MYO9B: variants seen among roughly 807,000 people sequenced by gnomAD.
The protein encoded by MYO9B is myosin IXB.
MYO9B carries 71 observed loss-of-function variants against 229.5 expected under a neutral mutation model. The ratio of observed to expected loss-of-function variants is 0.31; its 90% CI spans 0.26 to 0.38. MYO9B has a LOEUF of 0.38. MYO9B is among the 10% of genes least tolerant of loss of function. MYO9B has a pLI of 1.00. For synonymous variants in MYO9B, 1,185 were observed against 1,235.8 expected (o/e 0.96, Z 0.86); for missense variants, 2,255 against 2,920.5 (o/e 0.77, Z 5.25).
At chr19:17,118,779 G>A (rs1057437219) in intron 2 of MYO9B, among the ~76,000 whole-genome samples, 1 of 152,106 alleles carries the variant, frequency 6.6e-6, no homozygotes, top group Admixed American at 6.5e-5. Context: ...GAGCCACCAT[G>A]CCGGGCCTGT....
chr19:17,152,452 AC>A (rs34703734), intron 3 of MYO9B, 191 bp from the exon 4 acceptor site: 206,651 of 492,990 alleles, frequency 0.42, 44,590 homozygotes, highest in Non-Finnish European at 0.45. Flanking sequence ...CCAACCAACC[AC>A]TGTGGGGGCC....
chr19:17,167,877 A>G (rs1568282238), intron 10 of MYO9B, 66 bp from the exon 11 acceptor site: 3 of 1,535,498 alleles, frequency 2.0e-6, no homozygotes, highest in Non-Finnish European at 2.6e-6. Flanking sequence ...TGTATGCAAT[A>G]TATGTTATGT....
At chr19:17,106,595 C>G (rs1370375264) in intron 2 of MYO9B, among the ~76,000 whole-genome samples, 2 of 152,238 alleles carry the variant, frequency 1.3e-5, no homozygotes, top group African/African-American at 4.8e-5. Flanking sequence ...GCCAAAACAT[C>G]AGTGCCTGGC....
intron 26 of MYO9B, 142 bp from the exon 27 acceptor site, chr19:17,201,783 AG>A (rs1430586227): frequency 6.2e-6 from 4 of 640,928 alleles, no homozygotes; most frequent in Non-Finnish European, 1.1e-5. Flanking sequence ...ATGAGAGACC[AG>A]GCTTGGCCAG....
chr19:17,180,854 A>C, intron 14 of MYO9B, 73 bp from the exon 15 acceptor site: 43 of 958,288 alleles, frequency 4.5e-5, no homozygotes, highest in Non-Finnish European at 6.1e-5. Flanking sequence ...GGCGCTGGGA[A>C]CCCCGAGGTG....
intron 24 of MYO9B, among the ~76,000 whole-genome samples, chr19:17,199,392 A>G (rs1427883113): frequency 6.6e-6 from 1 of 152,136 alleles, no homozygotes; most frequent in African/African-American, 2.4e-5. Flanking sequence ...CAAAAAGAAA[A>G]GAAAATGGAG....
chr19:17,185,744 G>A (rs775498868), intron 17 of MYO9B, among the ~76,000 whole-genome samples, 177 bp from the exon 18 acceptor site: 15 of 152,032 alleles, frequency 9.9e-5, no homozygotes, highest in East Asian at 1.9e-4. Context: ...CAGGGATAGC[G>A]CAGGCTTGGG....
intron 14 of MYO9B, among the ~76,000 whole-genome samples, chr19:17,178,079 A>C (rs897927184): frequency 2.6e-5 from 4 of 152,208 alleles, no homozygotes; most frequent in African/African-American, 9.7e-5. Context: ...GGTGGGCCAA[A>C]GTCATGGGCC....
intron 14 of MYO9B, 38 bp downstream of exon 14, chr19:17,175,779 A>T: frequency 2.2e-6 from 3 of 1,341,604 alleles, no homozygotes; most frequent in Non-Finnish European, 3.1e-6. Context: ...TGAAATCATT[A>T]GGTGGCAGCA....
Position 17,211,759 on chromosome 19 carries a change from CG to C in MYO9B, c.6049del (p.Ala2017ProfsTer36), listed in dbSNP as rs1325294870. On this transcript the variant is annotated frameshift_variant, in exon 39 of 40. Transcript: ENST00000682292. LOFTEE classifies it low-confidence loss of function (END_TRUNC). ...TESLLEERAG[R>X]GASEGPPAPA... ...GAGCCTGCTGGAGGAGCGGGCCGGG[CG>C]GGGGGCCTCGGAAGGTCAGTATTAA... 3.1e-6 allele frequency: 5 copies of C among 1,612,820 alleles called. No homozygotes were observed. Among genetic ancestry groups the C allele is most frequent in the East Asian group, 2.2e-5 (1 of 44,830 alleles).
intron 1 of MYO9B, among the ~76,000 whole-genome samples, chr19:17,079,522 G>T (rs1411583361): frequency 1.3e-5 from 2 of 152,162 alleles, no homozygotes; most frequent in African/African-American, 4.8e-5. Flanking sequence ...TACTTTGGAG[G>T]TTGCCCCGGA....
Position 17,206,719 on chromosome 19 carries a change from C to T in MYO9B, c.5427C>T (p.Ala1809=), listed in dbSNP as rs769380142. The change falls in exon 34 of 40, where the codon GCC becomes GCT. Residue 1809 remains alanine (A), a synonymous_variant. Transcript: ENST00000682292. ...AGGAGCAGCTGGCTGCCATCTATGC[C>T]GTCCTGGAGCACCTTCCAGAAGCCA... ...EKQEQLAAIY[A]VLEHLPEANH... is the part of the protein sequence containing the mutation. 9.3e-5 allele frequency: 148 copies of T among 1,588,764 alleles called. No homozygotes were observed. The highest frequency in any genetic ancestry group is 1.2e-4 in the Non-Finnish European group (141 of 1,168,594).
chr19:17,114,482 T>C (rs1037793377), intron 2 of MYO9B, among the ~76,000 whole-genome samples: 2 of 152,070 alleles, frequency 1.3e-5, no homozygotes, highest in Non-Finnish European at 2.9e-5. Flanking sequence ...CCTAGGTGCG[T>C]GAGGATCTGG....
chr19:17,164,138 G>T (rs2072634463), intron 10 of MYO9B, among the ~76,000 whole-genome samples: 1 of 152,138 alleles, frequency 6.6e-6, no homozygotes, highest in African/African-American at 2.4e-5. Flanking sequence ...AATAGCATGA[G>T]CTAGAACCGG....
At chr19:17,081,768 G>A (rs2057535484) in intron 1 of MYO9B, among the ~76,000 whole-genome samples, 1 of 142,536 alleles carries the variant, frequency 7.0e-6, no homozygotes, top group Non-Finnish European at 1.5e-5. Flanking sequence ...GTGATCTTGT[G>A]CCACTGCACT....
chr19:17,187,598 T>C (rs2145428496), intron 18 of MYO9B, among the ~76,000 whole-genome samples: 1 of 149,952 alleles, frequency 6.7e-6, no homozygotes, highest in African/African-American at 2.5e-5. Flanking sequence ...TAAATTTAAA[T>C]GACTAGAGAT....
chr19:17,133,685 C>T (rs574612424), intron 2 of MYO9B, among the ~76,000 whole-genome samples: 1 of 152,260 alleles, frequency 6.6e-6, no homozygotes, highest in East Asian at 1.9e-4. Flanking sequence ...CTCCTGGCCT[C>T]AAGCGATCCT....
intron 30 of MYO9B, 59 bp from the exon 31 acceptor site, chr19:17,205,204 G>T: frequency 6.9e-7 from 1 of 1,450,266 alleles, no homozygotes; most frequent in Non-Finnish European, 9.6e-7. Context: ...TGGGTGGGTG[G>T]CTGCAGGAAT....
chr19:17,162,871 G>T, intron 9 of MYO9B, 117 bp from the exon 10 acceptor site: 2 of 1,158,044 alleles, frequency 1.7e-6, no homozygotes, highest in South Asian at 1.6e-5. Flanking sequence ...GTGTTCTGCC[G>T]AGCAACAGGG....
Sources: allele counts gnomAD v4.1 joint callset (sites outside exome capture counted in the v4.1 genomes callset), GRCh38; gene constraint gnomAD v4.1.1; transcripts MANE v1.5; gene names NCBI Gene and HGNC (gene_info 2026-07-23, HGNC 2026-07-21).